DDC: variants seen among roughly 807,000 people sequenced by gnomAD.
DDC encodes the protein aromatic-L-amino-acid decarboxylase.
A neutral mutation model predicts 60.0 loss-of-function variants in DDC; 43 were observed. That is an observed-to-expected ratio of 0.72 (90% CI 0.56 to 0.92). The LOEUF is 0.92. Ranked by LOEUF, DDC falls within the 40% of genes least tolerant of loss-of-function variation. The pLI is 0.00. For synonymous variants in DDC, 232 were observed against 234.6 expected, an observed-to-expected ratio of 0.99 and a Z score of 0.10; for missense variants, 573 against 620.2, an observed-to-expected ratio of 0.92 and a Z score of 0.81.
chr7:50,559,001 C>G (rs2045270574), intron 1 of DDC, among the ~76,000 whole-genome samples: 1 of 152,214 alleles, frequency 6.6e-6, no homozygotes, highest in South Asian at 2.1e-4. Flanking sequence ...AACTCTGCTG[C>G]CCTCCATGCC....
chr7:50,468,087 A>T (rs1323377840), intron 12 of DDC, among the ~76,000 whole-genome samples: 2 of 152,270 alleles, frequency 1.3e-5, no homozygotes, highest in Non-Finnish European at 2.9e-5. Context: ...CCGCGGATAC[A>T]GCAGGGCCCC....
intron 7 of DDC, among the ~76,000 whole-genome samples, chr7:50,501,622 G>T (rs753810868): frequency 2.6e-4 from 39 of 152,184 alleles, no homozygotes; most frequent in Non-Finnish European, 4.4e-4. Context: ...TATAGAATAA[G>T]GTCAGCTCAG....
chr7:50,534,074 T>C (rs1418352503), intron 4 of DDC, among the ~76,000 whole-genome samples: 1 of 152,218 alleles, frequency 6.6e-6, no homozygotes, highest in African/African-American at 2.4e-5. Context: ...AATTAACATT[T>C]ATTGTTCCCC....
intron 6 of DDC, among the ~76,000 whole-genome samples, chr7:50,520,717 C>G (rs1222078328): frequency 6.6e-6 from 1 of 152,096 alleles, no homozygotes; most frequent in Non-Finnish European, 1.5e-5. Flanking sequence ...AGTTCAAGGC[C>G]AGCCTGACCA....
chr7:50,558,328 G>A (rs1204687698), intron 1 of DDC, among the ~76,000 whole-genome samples: 1 of 152,058 alleles, frequency 6.6e-6, no homozygotes, highest in Non-Finnish European at 1.5e-5. Flanking sequence ...AGTATGCTTT[G>A]GTACACTCTT....
At chr7:50,556,055 C>T (rs542847449) in intron 1 of DDC, among the ~76,000 whole-genome samples, 12 of 152,306 alleles carry the variant, frequency 7.9e-5, no homozygotes, top group South Asian at 4.1e-4. Flanking sequence ...ACAGGGGCAC[C>T]GCAGCTTCCA....
intron 6 of DDC, among the ~76,000 whole-genome samples, chr7:50,527,061 T>G (rs1001005101): frequency 6.6e-6 from 1 of 152,202 alleles, no homozygotes; most frequent in Non-Finnish European, 1.5e-5. Flanking sequence ...TTGCATTTCT[T>G]TGGTTATTAG....
chr7:50,460,067 A>G (rs2042230058), intron 14 of DDC, among the ~76,000 whole-genome samples: 1 of 133,130 alleles, frequency 7.5e-6, no homozygotes, highest in Non-Finnish European at 1.6e-5. Flanking sequence ...GGGGGGGGTC[A>G]GCCCCCCGCC....
intron 10 of DDC, among the ~76,000 whole-genome samples, chr7:50,478,532 G>C (rs577771798): frequency 2.6e-5 from 4 of 152,294 alleles, no homozygotes; most frequent in Non-Finnish European, 5.9e-5. Flanking sequence ...GAAGAATTCA[G>C]ATACGGTGTC....
chr7:50,462,841 C>T (rs1445775582), intron 14 of DDC, among the ~76,000 whole-genome samples: 1 of 142,350 alleles, frequency 7.0e-6, no homozygotes, highest in Non-Finnish European at 1.5e-5. Flanking sequence ...GCGATCTCGG[C>T]TCACGGCAAC....
At chr7:50,466,972 C>T (rs900860402) in intron 13 of DDC, among the ~76,000 whole-genome samples, 3 of 152,314 alleles carry the variant, frequency 2.0e-5, no homozygotes, top group South Asian at 2.1e-4. Context: ...AAAGATTCTG[C>T]GGCCAATAAG....
intron 9 of DDC, among the ~76,000 whole-genome samples, chr7:50,482,068 C>T (rs1194230282): frequency 1.3e-5 from 2 of 152,202 alleles, no homozygotes; most frequent in Admixed American, 6.5e-5. Flanking sequence ...CTAGTGGCAG[C>T]GCCCGTCGGC....
Position 50,537,845 on chromosome 7 carries a change from C to G in DDC, c.435+15G>C, listed in dbSNP as rs544783890. 3 of 1,614,052 alleles carry G rather than the reference C, an allele frequency of 1.9e-6. No individual in the cohort carries two copies. The highest frequency in any genetic ancestry group is 1.3e-5 in the African/African-American group (1 of 74,920). On this transcript the variant is annotated intron_variant, in intron 4 of 14. Transcript: ENST00000444124. The stretch of plus-strand genomic sequence containing the variant: ...CCATGCATCCCAAAAGTGGCCCTCA[C>G]AGCTCCCACCTTACCTGGATCACTC...
At chr7:50,511,296 CT>C (rs891701287) in intron 6 of DDC, among the ~76,000 whole-genome samples, 1 of 131,210 alleles carries the variant, frequency 7.6e-6, no homozygotes, top group Non-Finnish European at 1.6e-5. Flanking sequence ...TACTATGCGA[CT>C]TTTTTTAACA....
Position 50,528,158 on chromosome 7 carries a change from C to G in DDC, c.693G>C (p.Ala231=). 6.2e-7 allele frequency: 1 copy of G among 1,613,300 alleles called. No individual in the cohort carries two copies. Among genetic ancestry groups the G allele is most frequent in the Non-Finnish European group, 8.5e-7 (1 of 1,180,038 alleles). Residue 231 remains alanine, a synonymous_variant, in exon 6 of 15, where the codon GCG becomes GCC. Coordinates refer to ENST00000444124, the MANE Select transcript of DDC (RefSeq NM_001082971.2). ...ALQEALERDK[A]AGLIPFFMVA... ...TTACAAAGAAAGGAATCAGGCCAGC[C>G]GCTTTGTCTCTCTCCAGGGCTTCCT...
intron 6 of DDC, among the ~76,000 whole-genome samples, chr7:50,518,694 G>A (rs942384742): frequency 9.2e-5 from 14 of 152,182 alleles, no homozygotes; most frequent in South Asian, 2.1e-4. Flanking sequence ...ACATGTAGGA[G>A]AATGAAACCG....
At chr7:50,554,460 G>A (rs1047331063) in intron 1 of DDC, among the ~76,000 whole-genome samples, 2 of 152,160 alleles carry the variant, frequency 1.3e-5, no homozygotes, top group African/African-American at 4.8e-5. Context: ...TGAGGCTTTT[G>A]AGGCCGGCTT....
At position 50,487,213 on chromosome 7, in the gene DDC, A is replaced by G. The variant is rs576560772; in HGVS notation, c.945-7350T>C. 2.6e-5 allele frequency among the ~76,000 whole-genome samples: 4 copies of G among 152,284 alleles called. No homozygotes were observed. The East Asian group carries it at 7.7e-4, about 29-fold the overall frequency. On this transcript the variant is annotated intron_variant, in intron 9 of 14. Transcript: ENST00000444124. ...AGTAAGTTTTTATCAGACTAATAGA[A>G]ACTAGCTCAGAGGCTTTTCAGTTCA... is the stretch of plus-strand genomic sequence containing the variant.
At chr7:50,477,576 C>T (rs1370595436) in intron 10 of DDC, 1 of 456,172 alleles carries the variant, frequency 2.2e-6, no homozygotes, top group South Asian at 1.6e-5. Flanking sequence ...CACAGGAGTG[C>T]CTACATTGTA....
Sources: gnomAD v4.1 joint callset for allele counts (sites outside exome capture counted in the v4.1 genomes callset) on GRCh38, gnomAD v4.1.1 for gene constraint, MANE v1.5 for transcripts, NCBI Gene and HGNC (gene_info 2026-07-23, HGNC 2026-07-21) for gene names.